LAMA5: variants seen among roughly 807,000 people sequenced by gnomAD.
The protein encoded by LAMA5 is laminin subunit alpha 5, also known as laminin subunit alpha-5.
Under a neutral mutation model 433.4 loss-of-function variants are expected in LAMA5, and 260 were observed. The ratio of observed to expected loss-of-function variants is 0.60; its 90% confidence interval spans 0.54 to 0.66. The LOEUF (loss-of-function observed/expected upper bound fraction) is 0.66, where lower values mean the gene tolerates loss of function less well. Among genes scored for constraint, LAMA5 ranks in the 30% least tolerant of loss-of-function variants. LAMA5 has a pLI of 0.00. For missense variants in LAMA5, 5,378 were observed against 5,258.5 expected (o/e 1.02, Z -0.70); for synonymous variants, 2,620 against 2,226.6 (o/e 1.18, Z -4.97).
In LAMA5 at chr20:62,318,920, A is replaced by G. The variant is rs1987350799; in HGVS notation, c.6965T>C (p.Leu2322Pro). The G allele has an allele frequency of 1.2e-6, 2 of 1,603,404 alleles. No homozygotes were observed. Among genetic ancestry groups the G allele is most frequent in the East Asian group, 4.5e-5 (2 of 44,640 alleles). Residue 2322 changes from leucine to proline, a missense_variant, in exon 52 of 80, where the codon CTG becomes CCG. Physicochemically the swap from Leu to Pro is moderately conservative, Grantham distance 98 (BLOSUM62 -3). Coordinates refer to ENST00000252999, the MANE Select transcript of LAMA5 (RefSeq NM_005560.6). ...GTCCCGGGCCCGCATCTCCCAGAGC[A>G]GCCGCTCCACCTCGGCCAGTGTCCG... The part of the protein sequence containing the change: ...LLRTLAEVER[L>P]LWEMRARDLG...
chr20:62,317,113 C>T (rs1987027421), intron 55 of LAMA5, 90 bp from the exon 56 acceptor site: 3 of 1,398,558 alleles, frequency 2.1e-6, no homozygotes, highest in African/African-American at 1.4e-5. Flanking sequence ...CCAGCCGTGC[C>T]CGTGCCTGCC....
rs1986210990 is a variant in LAMA5, at chr20:62,311,048, G to A, written c.10135C>T (p.Leu3379Phe). The A allele has an allele frequency of 3.7e-6, 6 of 1,602,394 alleles. No individual in the cohort carries two copies. The highest frequency in any genetic ancestry group is 1.3e-5 in the African/African-American group (1 of 74,570). Residue 3379 changes from leucine to phenylalanine, a missense_variant, in exon 74 of 80, where the codon CTC (leucine) becomes TTC (phenylalanine). Transcript: ENST00000252999. ...GGCCTCAGACGGGCAGTGAAGAGGA[G>A]GAGGCCTCGGGAGCTTCGCGGGAGG... ...HVLPRSSRGL[L>F]LFTARLRPGS...
Position 62,311,391 on chromosome 20 carries a change from G to A in LAMA5, c.9942+10C>T. 1 of 1,550,942 alleles carries A rather than the reference G, an allele frequency of 6.4e-7. No homozygotes were observed. The highest frequency in any genetic ancestry group is 1.2e-5 in the South Asian group (1 of 84,554). ...CCCCAGCTCTGCCTGCTCACCCCTGGGGTGCCCACCTTCCGGGCGGTGGCC... is the reference window on the plus strand; with the variant it reads ...CCCCAGCTCTGCCTGCTCACCCCTGAGGTGCCCACCTTCCGGGCGGTGGCC... On this transcript the variant is annotated intron_variant, in intron 72 of 79. Transcript: ENST00000252999.
intron 32 of LAMA5, 98 bp downstream of exon 32, chr20:62,329,679 C>A: frequency 6.9e-7 from 1 of 1,450,746 alleles, no homozygotes; most frequent in Non-Finnish European, 9.4e-7. Context: ...CAGGCCTCAG[C>A]AGGCCCAGAA....
At chr20:62,360,642 GT>G (rs1425854096) in intron 2 of LAMA5, among the ~76,000 whole-genome samples, 4 of 86,188 alleles carry the variant, frequency 4.6e-5, no homozygotes, top group African/African-American at 2.5e-4. Context: ...AGATGGGTGG[GT>G]GGGTGGGTGG....
At position 62,317,511 on chromosome 20, in the gene LAMA5, G is replaced by A. The variant is rs1039083064; in HGVS notation, c.7357-12C>T. On this transcript the variant is annotated splice_polypyrimidine_tract_variant and intron_variant, in intron 54 of 79. Coordinates refer to ENST00000252999, the MANE Select transcript of LAMA5 (RefSeq NM_005560.6). ...AGGCGCTCCAGCTCCTGGAATTTGAGTGGACTTAGCCCCTCATCCTGCTCA... is the reference window on the plus strand; with the variant it reads ...AGGCGCTCCAGCTCCTGGAATTTGAATGGACTTAGCCCCTCATCCTGCTCA... The A allele has an allele frequency of 1.9e-6, 3 of 1,538,884 alleles. No individual in the cohort carries two copies. Among genetic ancestry groups the A allele is most frequent in the Admixed American group, 1.9e-5 (1 of 52,034 alleles).
In LAMA5 at chr20:62,324,919, C is replaced by T; in HGVS notation, c.5530-365G>A. ...TCATACAGAAGGAGCAAAGTTACAG[C>T]AGACAGACAGATTAGCAGGGCAGAT... On this transcript the variant is annotated intron_variant, in intron 41 of 79. Transcript: ENST00000252999. This position sits in a 1 kb window ranked among gnomAD's most constrained non-coding sequence, Gnocchi z 4.4. 2 of 379,388 alleles carry T rather than the reference C, an allele frequency of 5.3e-6. No homozygotes were observed. Among genetic ancestry groups the T allele is most frequent in the Non-Finnish European group, 9.8e-6 (2 of 204,168 alleles). The allele number at this position is 379,388 out of a possible 1,614,324, so 23.5% of individuals were successfully genotyped here.
intron 2 of LAMA5, chr20:62,356,296 C>G (rs1013421320): frequency 6.6e-6 from 1 of 152,458 alleles, no homozygotes; most frequent in Non-Finnish European, 1.5e-5. Context: ...GACCTGGTCG[C>G]GGCTCCCAGG....
chr20:62,318,709 G>T (rs1987324432), intron 52 of LAMA5, 59 bp from the exon 53 acceptor site: 61 of 1,585,006 alleles, frequency 3.8e-5, no homozygotes, highest in Non-Finnish European at 4.9e-5. Context: ...CATGACCCCT[G>T]GTCTCCACTT....
chr20:62,365,832 C>T (rs1986660896), intron 1 of LAMA5, among the ~76,000 whole-genome samples: 1 of 152,088 alleles, frequency 6.6e-6, no homozygotes, highest in Non-Finnish European at 1.5e-5. Context: ...CTGTGCTGGG[C>T]TTAAGGAGAG....
In LAMA5 at chr20:62,333,095, T is replaced by C; in HGVS notation, c.3277A>G (p.Ser1093Gly). 2 of 1,503,814 alleles carry C rather than the reference T, an allele frequency of 1.3e-6. No individual in the cohort carries two copies. The highest frequency in any genetic ancestry group is 1.8e-6 in the Non-Finnish European group (2 of 1,128,874). The allele number at this position is 1,503,814 out of a possible 1,614,324, so 93.2% of individuals were successfully genotyped here. Residue 1093 changes from serine (S) to glycine (G), a missense_variant, in exon 26 of 80, where the codon AGT becomes GGT. Physicochemically the swap from Ser to Gly is moderately conservative, Grantham distance 56. Transcript: ENST00000252999. The stretch of plus-strand genomic sequence containing the variant: ...TGGGGTCCCAGGACACGCACATCAC[T>C]GCCCGTGCAGGTGATCAGTGGCGGG... ...SHPPLITCTG[S>G]DVDVQLQVAV...
rs779553347 is a variant in LAMA5, at chr20:62,322,097, C to G, written c.6418G>C (p.Glu2140Gln). The G allele has an allele frequency of 2.5e-6, 4 of 1,602,326 alleles. No homozygotes were observed. Among genetic ancestry groups the G allele is most frequent in the Non-Finnish European group, 3.4e-6 (4 of 1,179,174 alleles). Residue 2140 changes from glutamate to glutamine, a missense_variant, in exon 48 of 80, where the codon GAG (glutamate) becomes CAG (glutamine). Transcript: ENST00000252999. ...TGCTGGCTGCAGGTGTCGCAGCGCT[C>G]CCCGCTGAGCCCCGGGGGGCAGTTG... ...RCNCPPGLSG[E>Q]RCDTCSQQHQ...
intron 63 of LAMA5, 32 bp downstream of exon 63, chr20:62,313,617 C>A: frequency 6.2e-7 from 1 of 1,610,538 alleles, no homozygotes; most frequent in South Asian, 1.1e-5. Context: ...TGCGGAGCCC[C>A]TCCCAGGCTG....
chr20:62,357,555 G>A (rs1009072388), intron 2 of LAMA5, among the ~76,000 whole-genome samples: 3 of 152,192 alleles, frequency 2.0e-5, no homozygotes, highest in East Asian at 1.9e-4. Flanking sequence ...GAATAAGCAC[G>A]GCGGCCACAC....
rs375690726 is a variant in LAMA5 at position 62,326,794 on chromosome 20, C to T, written c.5215-34G>A. 30 of 1,607,468 alleles carry T rather than the reference C, an allele frequency of 1.9e-5. 1 individual carries two copies. Among genetic ancestry groups the T allele is most frequent in the South Asian group, 1.2e-4 (11 of 90,950 alleles). ...GCACATGGGGAGGTGAGGGTTGGCACGGGCCTGGACCACGGTGCCACTGCG... is the reference window on the plus strand; with the variant it reads ...GCACATGGGGAGGTGAGGGTTGGCATGGGCCTGGACCACGGTGCCACTGCG... On this transcript the variant is annotated intron_variant, in intron 39 of 79. Coordinates refer to ENST00000252999, the MANE Select transcript of LAMA5 (RefSeq NM_005560.6).
chr20:62,352,155 C>A (rs534962928), intron 4 of LAMA5, 76 bp from the exon 5 acceptor site: 1 of 1,580,338 alleles, frequency 6.3e-7, no homozygotes, highest in Non-Finnish European at 8.6e-7. Context: ...CCACCTTTCC[C>A]TTCTCCAGCC....
At chr20:62,318,401 C>T (rs1314795598) in intron 53 of LAMA5, 53 bp downstream of exon 53, 28 of 1,336,436 alleles carry the variant, frequency 2.1e-5, no homozygotes, top group Admixed American at 1.7e-4. Flanking sequence ...AGAGGGATTG[C>T]AGGGAGGAGG....
At chr20:62,361,319 C>T (rs558652375) in intron 2 of LAMA5, among the ~76,000 whole-genome samples, 3 of 152,290 alleles carry the variant, frequency 2.0e-5, no homozygotes, top group African/African-American at 7.2e-5. Flanking sequence ...CCCTCCCCAG[C>T]TCCCCGCCCT....
At position 62,318,979 on chromosome 20, in the gene LAMA5, G is replaced by C; in HGVS notation, c.6906C>G (p.Ala2302=). The change falls in exon 52 of 80, where the codon GCC becomes GCG. Residue 2302 remains alanine, a synonymous_variant. Transcript: ENST00000252999. ...GCTCACCTGATGGAGCCGAGGCATT[G>C]GCCAGCCCCAGGTGGCCCGTCTGGG... is the stretch of plus-strand genomic sequence containing the variant. ...LMSQTGHLGL[A]NASAPSGEQL... The C allele has an allele frequency of 1.3e-6, 2 of 1,593,356 alleles. No individual in the cohort carries two copies. Among genetic ancestry groups the C allele is most frequent in the East Asian group, 2.3e-5 (1 of 44,198 alleles).
Sources: allele counts gnomAD v4.1 joint callset (sites outside exome capture counted in the v4.1 genomes callset), GRCh38; gene constraint gnomAD v4.1.1; non-coding constraint Gnocchi (gnomAD v3.1); transcripts MANE v1.5; gene names NCBI Gene and HGNC (gene_info 2026-07-23, HGNC 2026-07-21).